Variants in VSTM2A observed in about 807,000 individuals in gnomAD.
The protein encoded by VSTM2A is V-set and transmembrane domain containing 2A, also known as V-set and transmembrane domain-containing protein 2A.
Under a neutral mutation model 27.3 loss-of-function variants are expected in VSTM2A, and 13 were observed. The observed-to-expected ratio is 0.48, with a 90% CI of 0.31 to 0.76. The LOEUF (loss-of-function observed/expected upper bound fraction) is 0.76. VSTM2A is among the 30% of genes least tolerant of loss of function. The pLI is 0.05. For missense variants in VSTM2A, 280 were observed against 310.0 expected, an observed-to-expected ratio of 0.90 and a Z score of 0.73; for synonymous variants, 142 against 125.7, an observed-to-expected ratio of 1.13 and a Z score of -0.87.
At chr7:54,561,575 A>G (rs980909773) in intron 4 of VSTM2A, among the ~76,000 whole-genome samples, 4 of 152,234 alleles carry the variant, frequency 2.6e-5, no homozygotes, top group Non-Finnish European at 5.9e-5. Flanking sequence ...TTTTATTTGT[A>G]TATCTTGATA....
intron 4 of VSTM2A, among the ~76,000 whole-genome samples, chr7:54,567,939 A>T (rs1046431846): frequency 6.6e-6 from 1 of 152,122 alleles, no homozygotes; most frequent in Non-Finnish European, 1.5e-5. Flanking sequence ...TCACTGTTGC[A>T]TTTTTTGAAA....
intron 4 of VSTM2A, among the ~76,000 whole-genome samples, chr7:54,563,825 A>G (rs1379005284): frequency 2.6e-5 from 4 of 152,256 alleles, no homozygotes; most frequent in Non-Finnish European, 5.9e-5. Context: ...CAATTTATGT[A>G]TTAGGTCAAA....
chr7:54,555,135 GTC>G (rs2115852794), intron 4 of VSTM2A, among the ~76,000 whole-genome samples: 1 of 152,252 alleles, frequency 6.6e-6, no homozygotes, highest in South Asian at 2.1e-4. Flanking sequence ...CCTAGTAATT[GTC>G]TCCCTAAAAC....
chr7:54,554,030 T>C (rs955176656), intron 4 of VSTM2A: 12 of 1,553,030 alleles, frequency 7.7e-6, no homozygotes, highest in Non-Finnish European at 1.0e-5. Flanking sequence ...AACCTGGCCA[T>C]GGATCAACCC....
chr7:54,568,492 A>G (rs901406331), intron 4 of VSTM2A, among the ~76,000 whole-genome samples: 1 of 152,070 alleles, frequency 6.6e-6, no homozygotes, highest in Non-Finnish European at 1.5e-5. Context: ...AGGAGTTTCC[A>G]ATTCTTGATA....
Position 54,561,836 on chromosome 7 carries a change from T to C in VSTM2A, c.635-7295T>C, listed in dbSNP as rs1461024445. 2.0e-5 allele frequency among the ~76,000 whole-genome samples: 3 copies of C among 152,246 alleles called. No individual in the cohort carries two copies. The East Asian group carries it at 5.8e-4, about 29-fold the overall frequency. On this transcript the variant is annotated intron_variant, in intron 4 of 4. Coordinates refer to ENST00000402613, the MANE Select transcript of VSTM2A (RefSeq NM_001301009.2). Reference sequence around the variant, plus strand: ...TGAAGCCATGTAATTTATGCTTTTGTAGGTCCTATTGACATTAGGTCCTCC... The same window carrying C: ...TGAAGCCATGTAATTTATGCTTTTGCAGGTCCTATTGACATTAGGTCCTCC...
At position 54,570,878 on chromosome 7, in the gene VSTM2A, T is replaced by A. The variant is rs184716674; in HGVS notation, c.*1659T>A. 7.2e-5 allele frequency: 11 copies of A among 152,280 alleles called. No homozygotes were observed. The highest frequency in any genetic ancestry group is 2.6e-4 in the African/African-American group (11 of 41,574). 9.4% of individuals were successfully genotyped at this position (152,280 alleles called of 1,614,324 possible). A position where few individuals can be genotyped will look rare whatever the true frequency, so the allele number is the denominator to read the frequency against. ...CCGAAGCTTGAAGGCAATCAGTACC[T>A]CTGCTTTTCAAAGGTAAATGCATTC... On this transcript the variant is annotated 3_prime_UTR_variant, in exon 5 of 5. Transcript: ENST00000402613.
intron 1 of VSTM2A, among the ~76,000 whole-genome samples, chr7:54,543,444 T>G (rs1300662825): frequency 2.0e-5 from 3 of 152,166 alleles, no homozygotes; most frequent in African/African-American, 7.2e-5. Flanking sequence ...AATGCCATAC[T>G]CCTTCTGCCA....
chr7:54,555,929 T>C (rs2115858848), intron 4 of VSTM2A, among the ~76,000 whole-genome samples: 1 of 152,276 alleles, frequency 6.6e-6, no homozygotes, highest in East Asian at 1.9e-4. Flanking sequence ...ATTCCAGAAC[T>C]CCACCCAGTG....
In VSTM2A at chr7:54,569,333, C is replaced by A; in HGVS notation, c.*114C>A. The A allele has an allele frequency of 6.7e-7, 1 of 1,486,552 alleles. No homozygotes were observed. The highest frequency in any genetic ancestry group is 9.0e-7 in the Non-Finnish European group (1 of 1,113,236). The allele number at this position is 1,486,552 out of a possible 1,614,324, so 92.1% of individuals were successfully genotyped here. A position where few individuals can be genotyped will look rare whatever the true frequency, so the allele number is the denominator to read the frequency against. ...TGATCTTTTATTTTAAGAGAATTAACGTGAAGTGATAGAACGTTTTCTAAT... is the reference window on the plus strand; with the variant it reads ...TGATCTTTTATTTTAAGAGAATTAAAGTGAAGTGATAGAACGTTTTCTAAT... On this transcript the variant is annotated 3_prime_UTR_variant, in exon 5 of 5. Coordinates refer to ENST00000402613, the MANE Select transcript of VSTM2A (RefSeq NM_001301009.2).
Position 54,570,188 on chromosome 7 carries a change from T to C in VSTM2A, c.*969T>C, listed in dbSNP as rs1393551276. 1 of 152,150 alleles carries C rather than the reference T, an allele frequency of 6.6e-6. No homozygotes were observed. The highest frequency in any genetic ancestry group is 1.9e-4 in the East Asian group (1 of 5,196). The allele number at this position is 152,150 out of a possible 1,614,324, so 9.4% of individuals were successfully genotyped here. A position where few individuals can be genotyped will look rare whatever the true frequency, so the allele number is the denominator to read the frequency against. ...ATTTACTATGTTCCTTTATACATGG[T>C]GTTTATTGAGGTTTGAGAGTCTCTT... is the stretch of plus-strand genomic sequence containing the variant. On this transcript the variant is annotated 3_prime_UTR_variant, in exon 5 of 5. Coordinates refer to ENST00000402613, the MANE Select transcript of VSTM2A (RefSeq NM_001301009.2).
In VSTM2A at chr7:54,542,510, T is replaced by G; in HGVS notation, c.-221T>G. ...GAGACACTTCCCAGCGATTCCAGCC[T>G]GGGCTCCGCAGGAAGCCTCGCTGAA... On this transcript the variant is annotated 5_prime_UTR_variant, in exon 1 of 5. Transcript: ENST00000402613. The G allele has an allele frequency of 1.8e-6, 1 of 559,920 alleles. No homozygotes were observed. The highest frequency in any genetic ancestry group is 2.4e-5 in the South Asian group (1 of 42,050). 34.7% of individuals were successfully genotyped at this position (559,920 alleles called of 1,614,324 possible).
chr7:54,562,819 C>A (rs1387103824), intron 4 of VSTM2A, among the ~76,000 whole-genome samples: 1 of 152,132 alleles, frequency 6.6e-6, no homozygotes, highest in Non-Finnish European at 1.5e-5. Flanking sequence ...TGTGGAATTC[C>A]TAATATGGAA....
rs1787998994 is a variant in VSTM2A, at chr7:54,546,678, CG to C, written c.247-268del. The C allele has an allele frequency of 8.4e-5, 22 of 263,160 alleles. No homozygotes were observed. In the South Asian group the frequency reaches 1.3e-3, roughly 16 times the overall value. 16.3% of individuals were successfully genotyped at this position (263,160 alleles called of 1,614,324 possible). A position where few individuals can be genotyped will look rare whatever the true frequency, so the allele number is the denominator to read the frequency against. ...CGCAGCATCCGCGCGGCAGGGACAG[CG>C]CCGGGACAGCGCCGGGACAGCCCCG... On this transcript the variant is annotated intron_variant, in intron 2 of 4. Transcript: ENST00000402613.
intron 4 of VSTM2A, chr7:54,553,884 G>T (rs763536696): frequency 6.4e-5 from 99 of 1,551,086 alleles, no homozygotes; most frequent in Non-Finnish European, 8.4e-5. Context: ...AATCCTTCCA[G>T]AAGTCAAACA....
chr7:54,559,237 A>G (rs1788472940), intron 4 of VSTM2A: 1 of 152,112 alleles, frequency 6.6e-6, no homozygotes, highest in Non-Finnish European at 1.5e-5. Context: ...TATAAAATAT[A>G]TAATCTTTTT....
intron 2 of VSTM2A, among the ~76,000 whole-genome samples, chr7:54,545,454 A>T (rs1182928451): frequency 2.2e-5 from 3 of 133,972 alleles, no homozygotes; most frequent in Non-Finnish European, 4.8e-5. Context: ...GAAAGAAGGT[A>T]GAAGAGAAGG....
intron 3 of VSTM2A, among the ~76,000 whole-genome samples, chr7:54,548,191 G>T (rs1324260916): frequency 2.0e-5 from 3 of 151,970 alleles, no homozygotes; most frequent in Non-Finnish European, 4.4e-5. Context: ...TCATCTAAAG[G>T]CCAGTAACAA....
chr7:54,568,785 G>A (rs1005309325), intron 4 of VSTM2A, among the ~76,000 whole-genome samples: 5 of 152,154 alleles, frequency 3.3e-5, no homozygotes, highest in African/African-American at 1.2e-4. Flanking sequence ...GTTCCCAGCC[G>A]TGGGGTGGCA....
Sources: allele counts gnomAD v4.1 joint callset (sites outside exome capture counted in the v4.1 genomes callset), GRCh38; gene constraint gnomAD v4.1.1; transcripts MANE v1.5; gene names NCBI Gene and HGNC (gene_info 2026-07-23, HGNC 2026-07-21).